The following FBXL7 variants were observed in gnomAD, a reference collection of about 807,000 sequenced individuals.
FBXL7 encodes F-box/LRR-repeat protein 7.
Under a neutral mutation model 38.3 loss-of-function variants are expected in FBXL7, and 12 were observed. The ratio of observed to expected loss-of-function variants is 0.31; its 90% confidence interval spans 0.20 to 0.51. The LOEUF is 0.51. FBXL7 is among the 20% of genes least tolerant of loss of function. The pLI is 0.98. For synonymous variants in FBXL7, 297 were observed against 300.9 expected (o/e 0.99, Z 0.13); for missense variants, 567 against 676.4 (o/e 0.84, Z 1.79).
chr5:15,868,343 T>G (rs1238453962), intron 2 of FBXL7, among the ~76,000 whole-genome samples: 1 of 152,232 alleles, frequency 6.6e-6, no homozygotes, highest in Non-Finnish European at 1.5e-5. Flanking sequence ...CTTAGCCTGG[T>G]GAGATCCATG....
intron 1 of FBXL7, among the ~76,000 whole-genome samples, chr5:15,554,208 G>A (rs570897368): frequency 3.9e-5 from 6 of 152,204 alleles, no homozygotes; most frequent in African/African-American, 7.2e-5. Flanking sequence ...TGGGTGAGCC[G>A]CCATCCCTGA....
rs551028405 is a variant in FBXL7, at chr5:15,550,554, G to A, written c.37+49841G>A. Among the ~76,000 whole-genome samples, 7 of 152,306 alleles carry A rather than the reference G, an allele frequency of 4.6e-5. No individual in the cohort carries two copies. In the South Asian group the frequency reaches 1.5e-3, roughly 32 times the overall value. On this transcript the variant is annotated intron_variant, in intron 1 of 3. Coordinates refer to ENST00000504595, the MANE Select transcript of FBXL7 (RefSeq NM_012304.5). ...TGTCATCTTCTTTTCTTCCACAGAT[G>A]CAAAGATGGGGACTCTGAGAACTCG...
rs1561177572 is a variant in FBXL7 at position 15,892,077 on chromosome 5, G to A, written c.128-35813G>A. Among the ~76,000 whole-genome samples, 4 of 152,366 alleles carry A rather than the reference G, an allele frequency of 2.6e-5. No homozygotes were observed. The South Asian group carries it at 8.3e-4, about 32-fold the overall frequency. ...TGGGAGCCACAGCACTAGGGAGCCA[G>A]GAGAAGCAGTTCATGGAGGTCAGCC... is the stretch of plus-strand genomic sequence containing the variant. On this transcript the variant is annotated intron_variant, in intron 2 of 3. Coordinates refer to ENST00000504595, the MANE Select transcript of FBXL7 (RefSeq NM_012304.5).
At chr5:15,527,129 T>C (rs1737272097) in intron 1 of FBXL7, among the ~76,000 whole-genome samples, 1 of 152,216 alleles carries the variant, frequency 6.6e-6, no homozygotes, top group Non-Finnish European at 1.5e-5. Context: ...TTTCTCTCCA[T>C]TTTCAGCTTT....
intron 1 of FBXL7, among the ~76,000 whole-genome samples, chr5:15,503,080 A>G (rs1736541916): frequency 6.6e-6 from 1 of 152,206 alleles, no homozygotes; most frequent in Admixed American, 6.5e-5. Context: ...ACTGCAACCT[A>G]ACTTAATAGC....
intron 1 of FBXL7, among the ~76,000 whole-genome samples, chr5:15,602,822 C>T (rs912048675): frequency 6.6e-6 from 1 of 152,010 alleles, no homozygotes. Context: ...ACTAATCATA[C>T]TGGATTTTTA....
intron 2 of FBXL7, among the ~76,000 whole-genome samples, chr5:15,700,288 C>T (rs994882238): frequency 1.3e-5 from 2 of 152,148 alleles, no homozygotes; most frequent in African/African-American, 4.8e-5. Context: ...GTTTTAAATC[C>T]TCCTTTCATG....
intron 2 of FBXL7, among the ~76,000 whole-genome samples, chr5:15,750,605 G>A (rs1658567340): frequency 6.6e-6 from 1 of 152,018 alleles, no homozygotes; most frequent in Admixed American, 6.5e-5. Context: ...GCTTCTTTTT[G>A]TTTTATTTTG....
rs376878391 is a variant in FBXL7 at position 15,936,963 on chromosome 5, C to T, written c.1253C>T (p.Thr418Met). ...GGCAAATGCCCTTTGGTATCCGACA[C>T]GGGCCTGGAGTGCCTGGCCCTGAAC... Reference protein sequence around the residue: ...DIGKCPLVSDTGLECLALNCF... With the variant: ...DIGKCPLVSDMGLECLALNCF... The change falls in exon 4 of 4, where the codon ACG (threonine) becomes ATG (methionine). Residue 418 changes from threonine to methionine, a missense_variant. Physicochemically the swap from Thr to Met is moderately conservative, Grantham distance 81 (BLOSUM62 -1). Coordinates refer to ENST00000504595, the MANE Select transcript of FBXL7 (RefSeq NM_012304.5). The surrounding 1 kb of genome is among the most constrained non-coding windows in gnomAD (Gnocchi z 6.0). The T allele has an allele frequency of 1.4e-5, 22 of 1,614,032 alleles. No homozygotes were observed. Among genetic ancestry groups the T allele is most frequent in the African/African-American group, 8.0e-5 (6 of 75,070 alleles).
chr5:15,938,866 A>G lies in FBXL7; in HGVS notation c.*1680A>G. ...AAATTCACTTGTCTTTTGCTAATAA[A>G]CACATGGCCCTTTCCCAGATTATTC... On this transcript the variant is annotated 3_prime_UTR_variant, in exon 4 of 4. Coordinates refer to ENST00000504595, the MANE Select transcript of FBXL7 (RefSeq NM_012304.5). 2.5e-6 allele frequency: 1 copy of G among 397,666 alleles called. No individual in the cohort carries two copies. The highest frequency in any genetic ancestry group is 4.4e-6 in the Non-Finnish European group (1 of 225,776). 24.6% of individuals were successfully genotyped at this position (397,666 alleles called of 1,614,324 possible).
At chr5:15,706,813 G>A (rs1258173150) in intron 2 of FBXL7, among the ~76,000 whole-genome samples, 1 of 152,100 alleles carries the variant, frequency 6.6e-6, no homozygotes, top group East Asian at 1.9e-4. Flanking sequence ...AATGGCGTTG[G>A]GAAGAGACAA....
intron 2 of FBXL7, among the ~76,000 whole-genome samples, chr5:15,700,165 T>C (rs932376301): frequency 1.3e-5 from 2 of 152,164 alleles, no homozygotes; most frequent in African/African-American, 4.8e-5. Context: ...ATGACTGATT[T>C]CCTCTCATTA....
At chr5:15,588,335 T>A (rs1739361133) in intron 1 of FBXL7, among the ~76,000 whole-genome samples, 1 of 152,142 alleles carries the variant, frequency 6.6e-6, no homozygotes, top group South Asian at 2.1e-4. Flanking sequence ...ATCAGTGACT[T>A]CACTCATCAC....
chr5:15,933,020 G>GA lies in FBXL7; in HGVS notation c.740-3429dup, dbSNP rs894387918. Among the ~76,000 whole-genome samples the GA allele has an allele frequency of 1.6e-4, 24 of 152,008 alleles. 2 individuals carry two copies. Among genetic ancestry groups the GA allele is most frequent in the Admixed American group, 1.3e-3 (20 of 15,270 alleles). On this transcript the variant is annotated intron_variant, in intron 3 of 3. Coordinates refer to ENST00000504595, the MANE Select transcript of FBXL7 (RefSeq NM_012304.5). ...AGTCATATAATCTCACTGAGCCTGCGATGCTTCATCTTGAAAAAAAATGAT... is the reference window on the plus strand; with the variant it reads ...AGTCATATAATCTCACTGAGCCTGCGAATGCTTCATCTTGAAAAAAAATGAT...
At chr5:15,880,190 C>A (rs1480804832) in intron 2 of FBXL7, among the ~76,000 whole-genome samples, 1 of 152,198 alleles carries the variant, frequency 6.6e-6, no homozygotes, top group Non-Finnish European at 1.5e-5. Flanking sequence ...ATTTACTGGA[C>A]TTGCTCCTGT....
intron 2 of FBXL7, among the ~76,000 whole-genome samples, chr5:15,850,574 T>C (rs1252795895): frequency 6.6e-6 from 1 of 152,214 alleles, no homozygotes; most frequent in African/African-American, 2.4e-5. Context: ...TGATTAGTAT[T>C]AATGTTGGGA....
chr5:15,684,835 C>G (rs1044309709), intron 2 of FBXL7, among the ~76,000 whole-genome samples: 4 of 152,172 alleles, frequency 2.6e-5, no homozygotes, highest in African/African-American at 7.2e-5. Context: ...CTGCTAGAGC[C>G]TCCAGCAGGA....
chr5:15,850,220 G>T (rs905078334), intron 2 of FBXL7, among the ~76,000 whole-genome samples: 1 of 152,190 alleles, frequency 6.6e-6, no homozygotes, highest in African/African-American at 2.4e-5. Context: ...GGCAATCCAA[G>T]CAACAATAGG....
chr5:15,731,410 C>T (rs200362541), intron 2 of FBXL7, among the ~76,000 whole-genome samples: 1 of 152,086 alleles, frequency 6.6e-6, no homozygotes, highest in Non-Finnish European at 1.5e-5. Flanking sequence ...TCTCCTGAGA[C>T]CCATTCACTA....
Sources: gnomAD v4.1 joint callset for allele counts (sites outside exome capture counted in the v4.1 genomes callset) on GRCh38, gnomAD v4.1.1 for gene constraint, Gnocchi (gnomAD v3.1) non-coding constraint, MANE v1.5 for transcripts, NCBI Gene and HGNC (gene_info 2026-07-23, HGNC 2026-07-21) for gene names.